Variants in IMPG1 observed in about 807,000 individuals in gnomAD.
IMPG1 encodes the protein interphotoreceptor matrix proteoglycan of 150 kDa.
IMPG1 carries 85 observed loss-of-function variants against 92.0 expected under a neutral mutation model. That is an observed-to-expected ratio of 0.92 (90% confidence interval 0.78 to 1.11). The LOEUF is 1.11. IMPG1 is among the 50% of genes least tolerant of loss of function. The pLI, the probability that IMPG1 is intolerant of heterozygous loss-of-function variation, is 0.00. For missense variants in IMPG1, 1,022 were observed against 956.0 expected, an observed-to-expected ratio of 1.07 and a Z score of -0.91; for synonymous variants, 367 against 334.1, an observed-to-expected ratio of 1.10 and a Z score of -1.08.
chr6:76,005,510 A>T lies in IMPG1; in HGVS notation c.912T>A (p.Leu304=), dbSNP rs1437689195. The part of the protein sequence containing the change: ...KDGSSSTEMQ[L]TAIFKRHSAE... ...CACTGTGTCTCTTAAAGATGGCCGTAAGTTGCATCTCTGTGGAGCTTGAGC... is the reference window on the plus strand; with the variant it reads ...CACTGTGTCTCTTAAAGATGGCCGTTAGTTGCATCTCTGTGGAGCTTGAGC... Residue 304 remains leucine, a synonymous_variant, in exon 10 of 17, where the codon CTT becomes CTA. Transcript: ENST00000369950. 3 of 1,613,958 alleles carry T rather than the reference A, an allele frequency of 1.9e-6. No individual in the cohort carries two copies. In the South Asian group the frequency reaches 3.3e-5, roughly 18 times the overall value.
At chr6:75,988,053 G>A (rs1372208712) in intron 12 of IMPG1, among the ~76,000 whole-genome samples, 1 of 152,118 alleles carries the variant, frequency 6.6e-6, no homozygotes, top group Non-Finnish European at 1.5e-5. Flanking sequence ...GCAAGTCTTT[G>A]CTATTGTGAA....
chr6:76,037,726 T>G (rs1783765586), intron 2 of IMPG1, among the ~76,000 whole-genome samples: 1 of 152,230 alleles, frequency 6.6e-6, no homozygotes, highest in Admixed American at 6.5e-5. Context: ...GCTACTTCAA[T>G]TCAAAACCAG....
intron 1 of IMPG1, among the ~76,000 whole-genome samples, chr6:76,060,579 CT>C (rs1272981369): frequency 1.3e-5 from 2 of 152,178 alleles, no homozygotes; most frequent in African/African-American, 4.8e-5. Flanking sequence ...TTTTGTGAGG[CT>C]GAAATCCTAG....
chr6:76,031,876 T>G, intron 4 of IMPG1, among the ~76,000 whole-genome samples: 1 of 152,366 alleles, frequency 6.6e-6, no homozygotes, highest in African/African-American at 2.4e-5. Context: ...TGTCCTTTAC[T>G]AAAAGATGTC....
At chr6:75,947,629 AT>A in intron 13 of IMPG1, 96 bp from the exon 14 acceptor site, 1 of 821,408 alleles carries the variant, frequency 1.2e-6, no homozygotes, top group Non-Finnish European at 1.9e-6. Context: ...CGAGACATAT[AT>A]TTTAGTTCCT....
At chr6:75,934,948 C>G (rs981356145) in intron 14 of IMPG1, 4 of 471,528 alleles carry the variant, frequency 8.5e-6, no homozygotes, top group African/African-American at 6.0e-5. Context: ...TGATACATCT[C>G]CTTTGATTGG....
At chr6:76,006,239 T>A (rs1783095075) in intron 9 of IMPG1, among the ~76,000 whole-genome samples, 1 of 151,764 alleles carries the variant, frequency 6.6e-6, no homozygotes, top group Non-Finnish European at 1.5e-5. Context: ...TGAATTATCC[T>A]TTCTTCTACA....
chr6:75,978,576 C>A (rs1782575727), intron 12 of IMPG1, among the ~76,000 whole-genome samples: 1 of 152,158 alleles, frequency 6.6e-6, no homozygotes, highest in East Asian at 1.9e-4. Context: ...GTTTCCTTAA[C>A]ATACCCCTTT....
At chr6:75,986,847 A>C (rs945776620) in intron 12 of IMPG1, among the ~76,000 whole-genome samples, 23 of 151,444 alleles carry the variant, frequency 1.5e-4, no homozygotes, top group African/African-American at 4.8e-4. Flanking sequence ...CAAATAAAAC[A>C]GGCAGTCAAA....
intron 4 of IMPG1, 99 bp downstream of exon 4, chr6:76,034,216 A>G (rs1582119508): frequency 9.1e-7 from 1 of 1,102,544 alleles, no homozygotes; most frequent in Non-Finnish European, 1.4e-6. Flanking sequence ...TTAGTGGCTG[A>G]CATAAAATCC....
intron 4 of IMPG1, among the ~76,000 whole-genome samples, chr6:76,031,415 G>T (rs1421517668): frequency 6.6e-6 from 1 of 152,132 alleles, no homozygotes; most frequent in Non-Finnish European, 1.5e-5. Context: ...CTGCCATATT[G>T]TTAATGTGTA....
At chr6:76,061,888 A>T (rs537701404) in intron 1 of IMPG1, among the ~76,000 whole-genome samples, 2 of 152,318 alleles carry the variant, frequency 1.3e-5, no homozygotes, top group African/African-American at 4.8e-5. Flanking sequence ...TGAGCTCTTC[A>T]ACTGTCTTTT....
chr6:75,926,549 A>G (rs1781553478), intron 15 of IMPG1, among the ~76,000 whole-genome samples: 1 of 152,206 alleles, frequency 6.6e-6, no homozygotes, highest in African/African-American at 2.4e-5. Flanking sequence ...ATATTTAGAA[A>G]CAATTTTCAT....
intron 7 of IMPG1, among the ~76,000 whole-genome samples, chr6:76,012,253 AT>A (rs994637928): frequency 2.0e-5 from 3 of 152,136 alleles, no homozygotes; most frequent in African/African-American, 7.2e-5. Flanking sequence ...CAGCCTGGCC[AT>A]TCTCTCCAGG....
At chr6:76,063,215 A>G (rs1784238855) in intron 1 of IMPG1, among the ~76,000 whole-genome samples, 1 of 151,870 alleles carries the variant, frequency 6.6e-6, no homozygotes, top group Admixed American at 6.5e-5. Flanking sequence ...AAAAAATAAA[A>G]TAAAATAAAT....
intron 7 of IMPG1, among the ~76,000 whole-genome samples, chr6:76,018,117 C>T (rs1421631980): frequency 6.6e-6 from 1 of 152,162 alleles, no homozygotes; most frequent in Non-Finnish European, 1.5e-5. Flanking sequence ...GGGTATATTC[C>T]AAGACCCTAT....
At chr6:75,932,288 C>T (rs1261641009) in intron 14 of IMPG1, among the ~76,000 whole-genome samples, 7 of 152,252 alleles carry the variant, frequency 4.6e-5, no homozygotes, top group Admixed American at 2.6e-4. Flanking sequence ...TATATTGGCC[C>T]TCTTTGCTAA....
At chr6:76,048,702 G>A (rs1783986914) in intron 1 of IMPG1, among the ~76,000 whole-genome samples, 1 of 151,992 alleles carries the variant, frequency 6.6e-6, no homozygotes, top group Admixed American at 6.6e-5. Flanking sequence ...TCTCTCTATA[G>A]CATGTTTCCT....
At chr6:75,976,282 A>T (rs1782531241) in intron 12 of IMPG1, among the ~76,000 whole-genome samples, 1 of 152,192 alleles carries the variant, frequency 6.6e-6, no homozygotes, top group South Asian at 2.1e-4. Flanking sequence ...AGGCTGAGAG[A>T]GGCTGGGCAC....
Sources: gnomAD v4.1 joint callset for allele counts (sites outside exome capture counted in the v4.1 genomes callset) on GRCh38, gnomAD v4.1.1 for gene constraint, MANE v1.5 for transcripts, NCBI Gene and HGNC (gene_info 2026-07-23, HGNC 2026-07-21) for gene names.